The following ARL6IP1 variants were observed in gnomAD, a reference collection of about 807,000 sequenced individuals.
ARL6IP1 encodes the protein ADP-ribosylation factor-like protein 6-interacting protein 1.
ARL6IP1 carries 16 observed loss-of-function variants against 30.1 expected under a neutral mutation model. That is an observed-to-expected ratio of 0.53 (90% CI 0.36 to 0.81). The LOEUF is 0.81. ARL6IP1 is among the 30% of genes least tolerant of loss of function. The pLI is 0.01. For synonymous variants in ARL6IP1, 72 were observed against 84.8 expected, an observed-to-expected ratio of 0.85 and a Z score of 0.83; for missense variants, 173 against 242.7, an observed-to-expected ratio of 0.71 and a Z score of 1.91.
rs1213164814 is a variant in ARL6IP1 at position 18,794,614 on chromosome 16, G to A, written c.478C>T (p.Leu160Phe). 3 of 1,613,186 alleles carry A rather than the reference G, an allele frequency of 1.9e-6. No individual in the cohort carries two copies. The highest frequency in any genetic ancestry group is 1.3e-5 in the African/African-American group (1 of 74,924). The stretch of plus-strand genomic sequence containing the variant: ...AAAGACTTACCTATCAGGTAGGTGA[G>A]AAGCAGGTTGTGGACTTGTTGTCCC... ...WVGQQVHNLLLTYLIVTSLLL... is the reference protein window; with the variant it reads ...WVGQQVHNLLFTYLIVTSLLL... Residue 160 changes from leucine (L) to phenylalanine (F), a missense_variant, in exon 5 of 6, where the codon CTC becomes TTC. Coordinates refer to ENST00000304414, the MANE Select transcript of ARL6IP1 (RefSeq NM_015161.3).
chr16:18,801,269 C>T, intron 1 of ARL6IP1, 162 bp downstream of exon 1: 4 of 1,462,136 alleles, frequency 2.7e-6, no homozygotes, highest in Non-Finnish European at 1.8e-6. Flanking sequence ...GGGTTCGACA[C>T]CCAGGAGTCA....
chr16:18,799,939 G>T (rs1027709131), intron 1 of ARL6IP1, among the ~76,000 whole-genome samples: 12 of 152,170 alleles, frequency 7.9e-5, no homozygotes, highest in Non-Finnish European at 1.3e-4. Context: ...GGATGCAGTG[G>T]ATCACGCCTG....
chr16:18,799,301 C>G (rs1567292874), intron 1 of ARL6IP1, among the ~76,000 whole-genome samples: 2 of 152,218 alleles, frequency 1.3e-5, no homozygotes, highest in South Asian at 4.1e-4. Flanking sequence ...TGTGAGCCAC[C>G]AGGCCCAGCC....
At chr16:18,793,397 A>C in intron 5 of ARL6IP1, 27 bp from the exon 6 acceptor site, 3 of 1,352,120 alleles carry the variant, frequency 2.2e-6, no homozygotes, top group Non-Finnish European at 3.1e-6. Context: ...ACCCAACATT[A>C]AGGAGGCAGC....
At chr16:18,797,777 C>A in intron 3 of ARL6IP1, 148 bp downstream of exon 3, 8 of 983,470 alleles carry the variant, frequency 8.1e-6, no homozygotes, top group Non-Finnish European at 1.0e-5. Context: ...AAATCAGTTA[C>A]AATATTCTTC....
At position 18,798,820 on chromosome 16, in the gene ARL6IP1, T is replaced by G. The variant is rs1201370650; in HGVS notation, c.51A>C (p.Ala17=). The change falls in exon 2 of 6, where the codon GCA becomes GCC. Residue 17 remains alanine (A), a synonymous_variant. Transcript: ENST00000304414. The stretch of plus-strand genomic sequence containing the variant: ...ATCCTTGCAGCTGTTCTTCCAGACT[T>G]GCAGTCTCTGCAGCCTAAATACCAC... The part of the protein sequence containing the change: ...RSTNLLAAET[A]SLEEQLQGWG... 1 of 1,613,998 alleles carries G rather than the reference T, an allele frequency of 6.2e-7. No individual in the cohort carries two copies. The highest frequency in any genetic ancestry group is 8.5e-7 in the Non-Finnish European group (1 of 1,180,010).
intron 1 of ARL6IP1, chr16:18,801,128 C>G: frequency 7.7e-7 from 1 of 1,306,094 alleles, no homozygotes; most frequent in Non-Finnish European, 9.9e-7. Flanking sequence ...CCCAGGAGGC[C>G]TTCTGCCCCC....
chr16:18,801,142 C>T, intron 1 of ARL6IP1: 1 of 1,341,566 alleles, frequency 7.5e-7, no homozygotes, highest in Non-Finnish European at 9.6e-7. Flanking sequence ...TGCCCCCACC[C>T]GCACCCCAGG....
At chr16:18,794,378 C>T (rs2030165473) in intron 5 of ARL6IP1, among the ~76,000 whole-genome samples, 1 of 152,236 alleles carries the variant, frequency 6.6e-6, no homozygotes, top group South Asian at 2.1e-4. Context: ...CCCTCTTCCA[C>T]CTCAGAAAAT....
chr16:18,801,543 A>C lies in ARL6IP1; in HGVS notation c.-77T>G. On this transcript the variant is annotated 5_prime_UTR_variant, in exon 1 of 6. Transcript: ENST00000304414. ...TCCAACCGAAACCCGCACACCAACC[A>C]CAACCCGAGGGAACGCCCCGCAGGC... 1 of 1,572,246 alleles carries C rather than the reference A, an allele frequency of 6.4e-7. No homozygotes were observed. The highest frequency in any genetic ancestry group is 8.6e-7 in the Non-Finnish European group (1 of 1,158,628).
Position 18,801,512 on chromosome 16 carries a change from G to C in ARL6IP1, c.-46C>G, listed in dbSNP as rs538416381. 177 of 1,602,984 alleles carry C rather than the reference G, an allele frequency of 1.1e-4. 2 individuals are homozygous for C. In the East Asian group the frequency reaches 3.8e-3, roughly 34 times the overall value. On this transcript the variant is annotated 5_prime_UTR_variant, in exon 1 of 6. Transcript: ENST00000304414. ...TACAAGCGCAGGCCACCTCCCCAAC[G>C]AGTCCTCCAACCGAAACCCGCACAC...
At chr16:18,797,832 C>A in intron 3 of ARL6IP1, 93 bp downstream of exon 3, 1 of 1,444,316 alleles carries the variant, frequency 6.9e-7, no homozygotes, top group Admixed American at 2.3e-5. Flanking sequence ...GATGGTTAGA[C>A]AATTATCTCT....
intron 3 of ARL6IP1, 36 bp downstream of exon 3, chr16:18,797,889 A>G: frequency 6.2e-7 from 1 of 1,600,348 alleles, no homozygotes; most frequent in South Asian, 1.1e-5. Flanking sequence ...CAGTAACTAC[A>G]CAAAAATGAG....
chr16:18,798,777 T>A lies in ARL6IP1; in HGVS notation c.94A>T (p.Met32Leu). 6.2e-7 allele frequency: 1 copy of A among 1,614,210 alleles called. No individual in the cohort carries two copies. Among genetic ancestry groups the A allele is most frequent in the South Asian group, 1.1e-5 (1 of 91,086 alleles). Residue 32 changes from methionine to leucine, a missense_variant, in exon 2 of 6, where the codon ATG (methionine) becomes TTG (leucine). By Grantham distance (15) the Met-to-Leu change is conservative. Coordinates refer to ENST00000304414, the MANE Select transcript of ARL6IP1 (RefSeq NM_015161.3). ...TCCCATCGGAGGACTTTATCAGCCATCAGCATCACTTCTCCCCATCCTTGC... is the reference window on the plus strand; with the variant it reads ...TCCCATCGGAGGACTTTATCAGCCAACAGCATCACTTCTCCCCATCCTTGC... ...QLQGWGEVMLMADKVLRWERA... is the reference protein window; with the variant it reads ...QLQGWGEVMLLADKVLRWERA...
At chr16:18,796,940 A>G (rs1469685911) in intron 3 of ARL6IP1, among the ~76,000 whole-genome samples, 1 of 152,240 alleles carries the variant, frequency 6.6e-6, no homozygotes, top group East Asian at 1.9e-4. Flanking sequence ...CCAAGGATAG[A>G]ATAGCAGCTG....
chr16:18,801,358 G>A (rs2030405270), intron 1 of ARL6IP1, 73 bp downstream of exon 1: 2 of 1,590,418 alleles, frequency 1.3e-6, no homozygotes, highest in Non-Finnish European at 1.7e-6. Flanking sequence ...ACAGGGACGA[G>A]GCCGCGGTGT....
chr16:18,796,634 C>T (rs186383114), intron 3 of ARL6IP1, among the ~76,000 whole-genome samples: 1 of 152,320 alleles, frequency 6.6e-6, no homozygotes, highest in Admixed American at 6.5e-5. Flanking sequence ...TTTGCTAACT[C>T]TGTTATACTG....
At chr16:18,801,125 G>A (rs2030395360) in intron 1 of ARL6IP1, 3 of 1,270,442 alleles carry the variant, frequency 2.4e-6, no homozygotes, top group Admixed American at 6.8e-5. Context: ...GGCCCCAGGA[G>A]GCCTTCTGCC....
intron 1 of ARL6IP1, 114 bp downstream of exon 1, chr16:18,801,317 A>C: frequency 6.5e-7 from 1 of 1,539,994 alleles, no homozygotes; most frequent in South Asian, 1.2e-5. Context: ...TCGCCTGCCC[A>C]GGGAGAGAAG....
Sources: allele counts gnomAD v4.1 joint callset (sites outside exome capture counted in the v4.1 genomes callset), GRCh38; gene constraint gnomAD v4.1.1; transcripts MANE v1.5; gene names NCBI Gene and HGNC (gene_info 2026-07-23, HGNC 2026-07-21).